The following NCKAP5L variants were observed in gnomAD, a reference collection of about 807,000 sequenced individuals.
NCKAP5L encodes the protein nck-associated protein 5-like.
A neutral mutation model predicts 103.2 loss-of-function variants in NCKAP5L; 54 were observed. That is an observed-to-expected ratio of 0.52 (90% confidence interval 0.42 to 0.66). NCKAP5L has a LOEUF of 0.66. Among genes scored for constraint, NCKAP5L ranks in the 30% least tolerant of loss-of-function variants. The pLI, the probability that NCKAP5L is intolerant of heterozygous loss-of-function variation, is 0.00. For synonymous variants in NCKAP5L, 762 were observed against 748.6 expected, an observed-to-expected ratio of 1.02 and a Z score of -0.29; for missense variants, 1,733 against 1,750.6, an observed-to-expected ratio of 0.99 and a Z score of 0.18.
chr12:49,794,608 C>CCA (rs1945999667), intron 8 of NCKAP5L, among the ~76,000 whole-genome samples, 157 bp downstream of exon 8: 1 of 148,570 alleles, frequency 6.7e-6, no homozygotes, highest in South Asian at 2.2e-4. Flanking sequence ...GTCACTGACC[C>CCA]CCCCACCAGC....
At position 49,794,875 on chromosome 12, in the gene NCKAP5L, T is replaced by C; in HGVS notation, c.2985A>G (p.Pro995=). Residue 995 remains proline (P), a synonymous_variant, in exon 8 of 13, where the codon CCA becomes CCG. Coordinates refer to ENST00000335999, the MANE Select transcript of NCKAP5L (RefSeq NM_001037806.4). Reference sequence around the variant, plus strand: ...GCCCTGGGGCTGGGCCACCAGGCCGTGGCCGGGCCCGGCTGCTTAGGTAGG... The same window carrying C: ...GCCCTGGGGCTGGGCCACCAGGCCGCGGCCGGGCCCGGCTGCTTAGGTAGG... ...EKAYLSSRAR[P]RPGGPAPGPN... The C allele has an allele frequency of 6.7e-7, 1 of 1,502,758 alleles. No individual in the cohort carries two copies. The highest frequency in any genetic ancestry group is 8.9e-7 in the Non-Finnish European group (1 of 1,126,342). 93.1% of individuals were successfully genotyped at this position (1,502,758 alleles called of 1,614,324 possible).
chr12:49,792,610 G>T lies in NCKAP5L; in HGVS notation c.3650-22C>A, dbSNP rs765962661. ...GGATCTGTCCAGGAACAAAGGGAAG[G>T]TGGATGGAGCTGCCTGGGCAGCTCC... On this transcript the variant is annotated intron_variant, in intron 11 of 12. Transcript: ENST00000335999. This position sits in a 1 kb window ranked among gnomAD's most constrained non-coding sequence, Gnocchi z 4.5. 6.2e-7 allele frequency: 1 copy of T among 1,613,762 alleles called. No individual in the cohort carries two copies. Among genetic ancestry groups the T allele is most frequent in the Non-Finnish European group, 8.5e-7 (1 of 1,179,802 alleles).
At chr12:49,823,359 C>CA (rs1946381676) in intron 1 of NCKAP5L, among the ~76,000 whole-genome samples, 1 of 152,108 alleles carries the variant, frequency 6.6e-6, no homozygotes, top group African/African-American at 2.4e-5. Context: ...ACAGCTCCCC[C>CA]ATCAAGCCAG....
At position 49,801,865 on chromosome 12, in the gene NCKAP5L, T is replaced by C; in HGVS notation, c.334A>G (p.Thr112Ala). 2 of 1,613,976 alleles carry C rather than the reference T, an allele frequency of 1.2e-6. No homozygotes were observed. The highest frequency in any genetic ancestry group is 1.7e-6 in the Non-Finnish European group (2 of 1,179,872). The change falls in exon 6 of 13, where the codon ACA (threonine) becomes GCA (alanine). Residue 112 changes from threonine to alanine, a missense_variant. Thr to Ala is a moderately conservative substitution (Grantham distance 58). Coordinates refer to ENST00000335999, the MANE Select transcript of NCKAP5L (RefSeq NM_001037806.4). ...ATGCCTACCTGAGGGAGCGAGCCTG[T>C]CGTGAGCTGGAGTTTCTGCTGAAAC... The part of the protein sequence containing the change: ...ALFQQKLQLT[T>A]GSLPQIPLTP...
rs188688357 is a variant in NCKAP5L at position 49,791,494 on chromosome 12, G to A, written c.*345C>T. The A allele has an allele frequency of 5.1e-6, 1 of 197,482 alleles. No homozygotes were observed. Among genetic ancestry groups the A allele is most frequent in the Non-Finnish European group, 1.0e-5 (1 of 98,372 alleles). The allele number at this position is 197,482 out of a possible 1,614,324, so 12.2% of individuals were successfully genotyped here. A position where few individuals can be genotyped will look rare whatever the true frequency, so the allele number is the denominator to read the frequency against. On this transcript the variant is annotated 3_prime_UTR_variant, in exon 13 of 13. Transcript: ENST00000335999. ...CAGCCGGGTTGGGCAGAGATGGCAC[G>A]GCTGGTGGGCAGGAAGCCCAGCACC...
chr12:49,804,750 G>A (rs1015641494), intron 2 of NCKAP5L: 1 of 152,268 alleles, frequency 6.6e-6, no homozygotes, highest in African/African-American at 2.4e-5. Flanking sequence ...GAAATGGGCA[G>A]AAGAATTCTT....
intron 1 of NCKAP5L, among the ~76,000 whole-genome samples, chr12:49,806,587 C>T (rs763177633): frequency 2.0e-5 from 3 of 152,364 alleles, no homozygotes; most frequent in South Asian, 2.1e-4. Context: ...GGGGAGCACC[C>T]GCCTGCGGGA....
chr12:49,795,321 C>G lies in NCKAP5L; in HGVS notation c.2539G>C (p.Gly847Arg). The G allele has an allele frequency of 6.5e-7, 1 of 1,530,642 alleles. No homozygotes were observed. Among genetic ancestry groups the G allele is most frequent in the Non-Finnish European group, 8.8e-7 (1 of 1,142,602 alleles). 94.8% of individuals were successfully genotyped at this position (1,530,642 alleles called of 1,614,324 possible). ...KESPKPDKGK[G>R]PPWADCGSTT... Reference sequence around the variant, plus strand: ...CTACCACAGTCTGCCCAGGGAGGGCCCTTCCCTTTGTCAGGCTTGGGGGAC... The same window carrying G: ...CTACCACAGTCTGCCCAGGGAGGGCGCTTCCCTTTGTCAGGCTTGGGGGAC... The change falls in exon 8 of 13, where the codon GGC (glycine) becomes CGC (arginine). Residue 847 changes from glycine to arginine, a missense_variant. Gly to Arg is a moderately radical substitution (Grantham distance 125, BLOSUM62 -2). Transcript: ENST00000335999.
intron 6 of NCKAP5L, 124 bp downstream of exon 6, chr12:49,801,724 G>A: frequency 2.4e-6 from 3 of 1,235,378 alleles, no homozygotes; most frequent in Non-Finnish European, 3.4e-6. Flanking sequence ...CATACCCCCA[G>A]AATGGAAGGT....
At chr12:49,819,443 T>C (rs919767069) in intron 1 of NCKAP5L, among the ~76,000 whole-genome samples, 1 of 152,176 alleles carries the variant, frequency 6.6e-6, no homozygotes, top group African/African-American at 2.4e-5. Flanking sequence ...CATCAGTAGA[T>C]GAATGGATAA....
At chr12:49,807,246 C>CGT (rs67299530) in intron 1 of NCKAP5L, among the ~76,000 whole-genome samples, 18,219 of 149,098 alleles carry the variant, frequency 0.12, 1,179 homozygotes, top group African/African-American at 0.17. Context: ...AATGCTTCTT[C>CGT]GTGTGTGTGT....
intron 1 of NCKAP5L, among the ~76,000 whole-genome samples, chr12:49,818,255 C>T (rs1043689176): frequency 3.3e-5 from 5 of 152,014 alleles, no homozygotes; most frequent in Non-Finnish European, 5.9e-5. Context: ...TGGATATGAC[C>T]CCAAAAGCAC....
intron 2 of NCKAP5L, chr12:49,804,488 T>C (rs2137015712): frequency 6.5e-6 from 1 of 153,080 alleles, no homozygotes; most frequent in Non-Finnish European, 1.5e-5. Context: ...ACAAGACCGT[T>C]ATTACTCATA....
At chr12:49,819,108 A>G (rs1201016582) in intron 1 of NCKAP5L, among the ~76,000 whole-genome samples, 1 of 151,680 alleles carries the variant, frequency 6.6e-6, no homozygotes, top group Non-Finnish European at 1.5e-5. Context: ...CGAGGTGGGC[A>G]GATCACGAGG....
chr12:49,792,978 A>G lies in NCKAP5L; in HGVS notation c.3349T>C (p.Ser1117Pro). 1 of 1,539,812 alleles carries G rather than the reference A, an allele frequency of 6.5e-7. No individual in the cohort carries two copies. The highest frequency in any genetic ancestry group is 8.7e-7 in the Non-Finnish European group (1 of 1,150,454). The change falls in exon 11 of 13, where the codon TCC (serine) becomes CCC (proline). Residue 1117 changes from serine (S) to proline (P), a missense_variant. By Grantham distance (74) the Ser-to-Pro change is moderately conservative. Coordinates refer to ENST00000335999, the MANE Select transcript of NCKAP5L (RefSeq NM_001037806.4). The surrounding 1 kb of genome is among the most constrained non-coding windows in gnomAD (Gnocchi z 4.5). ...CCACTGTCCAAGGTTCGAGTCAAGG[A>G]GCCACAGGCTGGGGAGGGGAGGGGA... ...VPTSHFTACG[S>P]LTRTLDSGIG...
intron 3 of NCKAP5L, among the ~76,000 whole-genome samples, chr12:49,803,680 A>G (rs965058031): frequency 6.6e-6 from 1 of 151,902 alleles, no homozygotes; most frequent in Non-Finnish European, 1.5e-5. Context: ...GGGTTAGGAC[A>G]CTCATCCCTG....
At chr12:49,815,339 T>C (rs1177831719) in intron 1 of NCKAP5L, among the ~76,000 whole-genome samples, 1 of 152,240 alleles carries the variant, frequency 6.6e-6, no homozygotes, top group Admixed American at 6.5e-5. Flanking sequence ...AAGTTTTCTA[T>C]AAGGAATAAT....
chr12:49,827,853 A>G (rs562306519), intron 1 of NCKAP5L, among the ~76,000 whole-genome samples: 1 of 152,274 alleles, frequency 6.6e-6, no homozygotes, highest in Admixed American at 6.5e-5. Context: ...TGCGAAAGGG[A>G]GCCCCAGGCT....
chr12:49,793,027 G>T (rs774729293), intron 10 of NCKAP5L, 41 bp from the exon 11 acceptor site: 4 of 1,420,656 alleles, frequency 2.8e-6, no homozygotes, highest in Non-Finnish European at 3.7e-6. Flanking sequence ...GTGTGAGGCT[G>T]GGCTCAGTCC....
Sources: gnomAD v4.1 joint callset for allele counts (sites outside exome capture counted in the v4.1 genomes callset) on GRCh38, gnomAD v4.1.1 for gene constraint, Gnocchi (gnomAD v3.1) non-coding constraint, MANE v1.5 for transcripts, NCBI Gene and HGNC (gene_info 2026-07-23, HGNC 2026-07-21) for gene names.